Variants in ISM1 observed in about 807,000 individuals in gnomAD.
ISM1 encodes isthmin-1.
Under a neutral mutation model 46.3 loss-of-function variants are expected in ISM1, and 25 were observed. The observed-to-expected ratio is 0.54, with a 90% CI of 0.39 to 0.75. The LOEUF (loss-of-function observed/expected upper bound fraction) is 0.75. Ranked by LOEUF, ISM1 falls within the 30% of genes least tolerant of loss-of-function variation. The pLI, the probability that ISM1 is intolerant of heterozygous loss-of-function variation, is 0.00. For missense variants in ISM1, 536 were observed against 625.4 expected (o/e 0.86, Z 1.52); for synonymous variants, 255 against 256.7 (o/e 0.99, Z 0.06).
chr20:13,225,006 C>G (rs1054625082), intron 1 of ISM1, among the ~76,000 whole-genome samples: 4 of 143,454 alleles, frequency 2.8e-5, no homozygotes, highest in African/African-American at 1.1e-4. Context: ...CCACCACGCC[C>G]GGCTAATTTT....
the ISM1 span, among the ~76,000 whole-genome samples, chr20:13,323,584 C>T: frequency 2.6e-5 from 4 of 152,318 alleles, no homozygotes; most frequent in East Asian, 5.8e-4. Context: ...CTTTGTTAGG[C>T]AACATATAGT....
intron 1 of ISM1, among the ~76,000 whole-genome samples, chr20:13,249,577 G>A (rs1046776740): frequency 6.6e-6 from 1 of 152,192 alleles, no homozygotes; most frequent in Admixed American, 6.5e-5. Flanking sequence ...ATTTTGGAAG[G>A]AAACCCCGCC....
At chr20:13,239,935 TAA>T (rs1232614165) in intron 1 of ISM1, among the ~76,000 whole-genome samples, 4 of 152,192 alleles carry the variant, frequency 2.6e-5, no homozygotes, top group Admixed American at 6.5e-5. Context: ...CCCACTTAGC[TAA>T]AGAGAATTAG....
chr20:13,282,236 A>G (rs546357111), intron 3 of ISM1, among the ~76,000 whole-genome samples: 1 of 152,050 alleles, frequency 6.6e-6, no homozygotes, highest in South Asian at 2.1e-4. Context: ...TTGTCTTTTA[A>G]AGCTCCGAGG....
At chr20:13,228,570 G>A (rs2039554492) in intron 1 of ISM1, among the ~76,000 whole-genome samples, 1 of 151,936 alleles carries the variant, frequency 6.6e-6, no homozygotes, top group Admixed American at 6.5e-5. Context: ...ATGCTTTTAT[G>A]ATTTTTTTCC....
At position 13,221,807 on chromosome 20, in the gene ISM1, C is replaced by T; in HGVS notation, c.31C>T (p.Leu11=). 1 of 1,456,174 alleles carries T rather than the reference C, an allele frequency of 6.9e-7. No homozygotes were observed. 90.2% of individuals were successfully genotyped at this position (1,456,174 alleles called of 1,614,324 possible). A position where few individuals can be genotyped will look rare whatever the true frequency, so the allele number is the denominator to read the frequency against. Residue 11 remains leucine (L), a synonymous_variant, in exon 1 of 6, where the codon CTG becomes TTG. Transcript: ENST00000262487. MVRLAAELLL[L]LGLLLLTLHI... ...GCGCCTGGCGGCCGAGCTGCTGCTG[C>T]TGCTGGGGCTGCTGCTGCTCACGCT... is the stretch of plus-strand genomic sequence containing the variant.
At chr20:13,236,155 C>T (rs1245858300) in intron 1 of ISM1, among the ~76,000 whole-genome samples, 5 of 152,064 alleles carry the variant, frequency 3.3e-5, no homozygotes, top group African/African-American at 1.2e-4. Context: ...GATCTCTTAA[C>T]CTTGTGATCC....
At chr20:13,234,372 T>C (rs2039624095) in intron 1 of ISM1, among the ~76,000 whole-genome samples, 1 of 152,240 alleles carries the variant, frequency 6.6e-6, no homozygotes, top group South Asian at 2.1e-4. Flanking sequence ...TTTAGGTTGA[T>C]TCCATGTCTT....
the ISM1 span, among the ~76,000 whole-genome samples, chr20:13,318,505 T>A: frequency 2.0e-5 from 3 of 152,194 alleles, no homozygotes; most frequent in Admixed American, 6.5e-5. Context: ...TGAAAAATTG[T>A]GTCCACACAA....
chr20:13,235,927 C>CT lies in ISM1; in HGVS notation c.138+14019dup, dbSNP rs72361165. Among the ~76,000 whole-genome samples, 615 of 149,596 alleles carry CT rather than the reference C, an allele frequency of 4.1e-3. 6 individuals carry two copies. Among genetic ancestry groups the CT allele is most frequent in the Middle Eastern group, 0.014 (4 of 282 alleles). The stretch of plus-strand genomic sequence containing the variant: ...TCTGTGCATAGTATATTGTACTTCC[C>CT]TTTTTTCTTTTTTTTGAAATGGAGT... On this transcript the variant is annotated intron_variant, in intron 1 of 5. Transcript: ENST00000262487.
At chr20:13,286,983 G>A (rs1231417169) in intron 3 of ISM1, among the ~76,000 whole-genome samples, 1 of 152,228 alleles carries the variant, frequency 6.6e-6, no homozygotes, top group Admixed American at 6.5e-5. Flanking sequence ...AGGTACTGCA[G>A]AAAGAATCAC....
chr20:13,248,072 A>T (rs2039822528), intron 1 of ISM1, among the ~76,000 whole-genome samples: 2 of 152,176 alleles, frequency 1.3e-5, no homozygotes, highest in African/African-American at 2.4e-5. Flanking sequence ...TATGTGGGTG[A>T]TGGCAGCGTC....
At chr20:13,316,732 C>T in the ISM1 span, among the ~76,000 whole-genome samples, 1 of 151,394 alleles carries the variant, frequency 6.6e-6, no homozygotes, top group Non-Finnish European at 1.5e-5. Context: ...AATTCAACAC[C>T]CATTCATTAT....
the ISM1 span, among the ~76,000 whole-genome samples, chr20:13,322,596 TC>T: frequency 1.3e-5 from 2 of 152,280 alleles, no homozygotes; most frequent in African/African-American, 4.8e-5. Context: ...TTTCTCAGGA[TC>T]CCTTTTCCTG....
the ISM1 span, among the ~76,000 whole-genome samples, chr20:13,311,924 T>C: frequency 6.6e-6 from 1 of 151,984 alleles, no homozygotes. Flanking sequence ...TTGCTGAGAG[T>C]CTATTTTAAA....
the ISM1 span, among the ~76,000 whole-genome samples, chr20:13,323,099 A>C: frequency 6.6e-6 from 1 of 152,136 alleles, no homozygotes; most frequent in Non-Finnish European, 1.5e-5. Context: ...TCGGAGGAAA[A>C]ATAGGAACTA....
At chr20:13,285,256 A>C (rs1568686330) in intron 3 of ISM1, among the ~76,000 whole-genome samples, 1 of 152,126 alleles carries the variant, frequency 6.6e-6, no homozygotes, top group Non-Finnish European at 1.5e-5. Context: ...GTGCCACTGC[A>C]CTCCAGCCTA....
intron 1 of ISM1, among the ~76,000 whole-genome samples, chr20:13,266,270 A>C (rs1424001576): frequency 1.3e-5 from 2 of 152,220 alleles, no homozygotes; most frequent in Non-Finnish European, 2.9e-5. Context: ...ATGTAAGGCA[A>C]AATGCTAGGC....
chr20:13,296,060 C>T (rs968455950), intron 5 of ISM1, among the ~76,000 whole-genome samples: 4 of 152,162 alleles, frequency 2.6e-5, no homozygotes, highest in Non-Finnish European at 5.9e-5. Flanking sequence ...GGCTTTTTGC[C>T]TTTGCCTCCC....
Sources: allele counts gnomAD v4.1 joint callset (sites outside exome capture counted in the v4.1 genomes callset), GRCh38; gene constraint gnomAD v4.1.1; transcripts MANE v1.5; gene names NCBI Gene and HGNC (gene_info 2026-07-23, HGNC 2026-07-21).